MAMDC2: variants seen among roughly 807,000 people sequenced by gnomAD.
The protein encoded by MAMDC2 is MAM domain-containing protein 2.
MAMDC2 carries 57 observed loss-of-function variants against 89.8 expected under a neutral mutation model. The ratio of observed to expected loss-of-function variants is 0.63; its 90% CI spans 0.51 to 0.79. The LOEUF (loss-of-function observed/expected upper bound fraction) is 0.79, where lower values mean the gene tolerates loss of function less well. Among genes scored for constraint, MAMDC2 ranks in the 30% least tolerant of loss-of-function variants. The pLI, the probability that MAMDC2 is intolerant of heterozygous loss-of-function variation, is 0.00. For missense variants in MAMDC2, 800 were observed against 820.6 expected (o/e 0.97, Z 0.31); for synonymous variants, 313 against 293.4 (o/e 1.07, Z -0.68).
At position 70,226,954 on chromosome 9, in the gene MAMDC2, A is replaced by T. The variant is rs2033648157; in HGVS notation, c.*922A>T. On this transcript the variant is annotated 3_prime_UTR_variant, in exon 14 of 14. Transcript: ENST00000377182. ...TATGAAATTATAAAATTACCTAATA[A>T]AAATAATTTGAAAATCTTTTCACTA... is the stretch of plus-strand genomic sequence containing the variant. The T allele has an allele frequency of 1.3e-5, 2 of 152,192 alleles. No individual in the cohort carries two copies. Among genetic ancestry groups the T allele is most frequent in the South Asian group, 4.1e-4 (2 of 4,828 alleles). 9.4% of individuals were successfully genotyped at this position (152,192 alleles called of 1,614,324 possible). A position where few individuals can be genotyped will look rare whatever the true frequency, so the allele number is the denominator to read the frequency against.
At chr9:70,147,524 A>T (rs2031446598) in intron 9 of MAMDC2, among the ~76,000 whole-genome samples, 1 of 149,912 alleles carries the variant, frequency 6.7e-6, no homozygotes. Flanking sequence ...TTCCCTTTAC[A>T]ACTTTAGTAC....
intron 2 of MAMDC2, among the ~76,000 whole-genome samples, chr9:70,085,262 C>T (rs1311952487): frequency 6.6e-6 from 1 of 152,070 alleles, no homozygotes; most frequent in Non-Finnish European, 1.5e-5. Context: ...GGCATAGACA[C>T]CGTCCCTAGA....
chr9:70,191,405 ATAAT>A (rs1454116099), intron 11 of MAMDC2, among the ~76,000 whole-genome samples: 2 of 152,064 alleles, frequency 1.3e-5, no homozygotes, highest in Non-Finnish European at 2.9e-5. Flanking sequence ...ATTATTAATC[ATAAT>A]TATTTACAGT....
At chr9:70,134,690 C>T (rs1001382871) in intron 7 of MAMDC2, among the ~76,000 whole-genome samples, 1 of 152,146 alleles carries the variant, frequency 6.6e-6, no homozygotes, top group Non-Finnish European at 1.5e-5. Flanking sequence ...AAACCCAGGC[C>T]CAATTACTGC....
chr9:70,197,656 T>C (rs1247996702), intron 11 of MAMDC2, among the ~76,000 whole-genome samples: 1 of 152,142 alleles, frequency 6.6e-6, no homozygotes, highest in Non-Finnish European at 1.5e-5. Context: ...GGCAACACTT[T>C]AATGAGTTAA....
At chr9:70,094,867 G>A (rs1827987285) in intron 2 of MAMDC2, among the ~76,000 whole-genome samples, 1 of 152,214 alleles carries the variant, frequency 6.6e-6, no homozygotes, top group Non-Finnish European at 1.5e-5. Context: ...CATGTTTGGA[G>A]GTAGAGATTA....
intron 6 of MAMDC2, among the ~76,000 whole-genome samples, chr9:70,130,192 G>C (rs1275388055): frequency 2.6e-5 from 4 of 152,050 alleles, no homozygotes; most frequent in Non-Finnish European, 5.9e-5. Flanking sequence ...TGAGATACTA[G>C]AGGTTGGCAC....
chr9:70,192,629 A>ATAAG (rs1424486714), intron 11 of MAMDC2, among the ~76,000 whole-genome samples: 7 of 151,798 alleles, frequency 4.6e-5, no homozygotes, highest in South Asian at 4.2e-4. Flanking sequence ...CTTTCCCTTT[A>ATAAG]TAAGTCCTCA....
In MAMDC2 at chr9:70,204,377, G is replaced by C. The variant is rs2033171822; in HGVS notation, c.1652-13960G>C. Among the ~76,000 whole-genome samples, 4 of 151,444 alleles carry C rather than the reference G, an allele frequency of 2.6e-5. No homozygotes were observed. In the South Asian group the frequency reaches 8.3e-4, roughly 32 times the overall value. ...CCCAGTTAGGCTGCTCGGGGGTCAG[G>C]GGTCAGGGACCCACTTGAGGAGGCA... On this transcript the variant is annotated intron_variant, in intron 11 of 13. Transcript: ENST00000377182.
At chr9:70,100,021 A>AGAGAGAGAGAGG (rs1316783544) in intron 2 of MAMDC2, among the ~76,000 whole-genome samples, 4 of 144,410 alleles carry the variant, frequency 2.8e-5, no homozygotes, top group Admixed American at 6.9e-5. Flanking sequence ...AGAGAGAGAG[A>AGAGAGAGAGAGG]GAGCACAAGC....
At chr9:70,161,686 AT>A (rs1418532546) in intron 9 of MAMDC2, among the ~76,000 whole-genome samples, 1 of 152,228 alleles carries the variant, frequency 6.6e-6, no homozygotes, top group Non-Finnish European at 1.5e-5. Context: ...CAATATTGAA[AT>A]TTTTTAAAAA....
rs566509000 is a variant in MAMDC2, at chr9:70,093,401, T to C, written c.149-14810T>C. On this transcript the variant is annotated intron_variant, in intron 2 of 13. Transcript: ENST00000377182. ...TCTTCTGATGTCATCATCATCCACA[T>C]GTATTTTAAATACAGGGACAGTTTT... 3.9e-5 allele frequency among the ~76,000 whole-genome samples: 6 copies of C among 151,956 alleles called. No individual in the cohort carries two copies. The South Asian group carries it at 8.3e-4, about 21-fold the overall frequency.
intron 7 of MAMDC2, among the ~76,000 whole-genome samples, chr9:70,134,424 G>A (rs1487493943): frequency 1.3e-5 from 2 of 151,252 alleles, no homozygotes; most frequent in African/African-American, 4.9e-5. Flanking sequence ...CTTCCTTTTG[G>A]TCTGTAAATC....
intron 2 of MAMDC2, among the ~76,000 whole-genome samples, chr9:70,076,298 G>A (rs1253724190): frequency 6.6e-6 from 1 of 152,042 alleles, no homozygotes; most frequent in Non-Finnish European, 1.5e-5. Context: ...GCAGGCACCT[G>A]TAGTTTCAGC....
chr9:70,083,380 C>G (rs1827697886), intron 2 of MAMDC2: 1 of 151,748 alleles, frequency 6.6e-6, no homozygotes, highest in Admixed American at 6.6e-5. Context: ...GTTCATATAT[C>G]GTTGCTTTTA....
At chr9:70,145,321 T>C (rs1258240548) in intron 9 of MAMDC2, among the ~76,000 whole-genome samples, 1 of 152,212 alleles carries the variant, frequency 6.6e-6, no homozygotes, top group South Asian at 2.1e-4. Context: ...TAGCTTAGAC[T>C]CTTGCTCTTT....
At chr9:70,198,400 C>T (rs1290677714) in intron 11 of MAMDC2, among the ~76,000 whole-genome samples, 3 of 151,978 alleles carry the variant, frequency 2.0e-5, no homozygotes, top group Non-Finnish European at 4.4e-5. Flanking sequence ...ATTTTATTAA[C>T]ATTTATATGA....
chr9:70,083,308 G>A (rs1398532955), intron 2 of MAMDC2: 1 of 151,832 alleles, frequency 6.6e-6, no homozygotes, highest in Non-Finnish European at 1.5e-5. Context: ...GTATATCTAT[G>A]GGATTCTCTC....
chr9:70,140,551 G>A (rs1339488317), intron 8 of MAMDC2, among the ~76,000 whole-genome samples: 1 of 151,800 alleles, frequency 6.6e-6, no homozygotes, highest in African/African-American at 2.4e-5. Context: ...TACCTTTAAG[G>A]AAAAAAAATC....
Sources: allele counts gnomAD v4.1 joint callset (sites outside exome capture counted in the v4.1 genomes callset), GRCh38; gene constraint gnomAD v4.1.1; transcripts MANE v1.5; gene names NCBI Gene and HGNC (gene_info 2026-07-23, HGNC 2026-07-21).